SYNRG: variants seen among roughly 807,000 people sequenced by gnomAD.
SYNRG encodes synergin gamma.
In SYNRG, 37 loss-of-function variants were observed where a neutral mutation model predicts 130.9. That is an observed-to-expected ratio of 0.28 (90% CI 0.22 to 0.37). SYNRG has a LOEUF of 0.37. SYNRG is among the 10% of genes least tolerant of loss of function. The pLI, the probability that SYNRG is intolerant of heterozygous loss-of-function variation, is 1.00. For missense variants in SYNRG, 1,338 were observed against 1,588.9 expected (o/e 0.84, Z 2.68); for synonymous variants, 539 against 568.1 (o/e 0.95, Z 0.73).
intron 14 of SYNRG, among the ~76,000 whole-genome samples, chr17:37,552,610 G>A (rs922823015): frequency 3.3e-5 from 5 of 152,136 alleles, no homozygotes; most frequent in East Asian, 1.9e-4. Flanking sequence ...TCTCTTAAAA[G>A]GATGTGGCAA....
intron 13 of SYNRG, among the ~76,000 whole-genome samples, chr17:37,560,737 A>G (rs12953286): frequency 0.5 from 74,353 of 149,782 alleles, 20,546 homozygotes; most frequent in African/African-American, 0.75. Flanking sequence ...GCACAATCTC[A>G]GCTCACTGCA....
intron 4 of SYNRG, 146 bp downstream of exon 4, chr17:37,586,273 C>T: frequency 2.5e-6 from 3 of 1,203,676 alleles, no homozygotes; most frequent in Non-Finnish European, 2.2e-6. Context: ...GGATTATAGG[C>T]ATGAACCACT....
At position 37,561,476 on chromosome 17, in the gene SYNRG, G is replaced by A; in HGVS notation, c.1595C>T (p.Pro532Leu). 2 of 1,612,406 alleles carry A rather than the reference G, an allele frequency of 1.2e-6. No homozygotes were observed. Among genetic ancestry groups the A allele is most frequent in the Non-Finnish European group, 1.7e-6 (2 of 1,178,586 alleles). The change falls in exon 12 of 22, where the codon CCT (proline) becomes CTT (leucine). Residue 532 changes from proline to leucine, a missense_variant. Physicochemically the swap from Pro to Leu is moderately conservative, Grantham distance 98. This residue lies in a region of SYNRG where 1,146 missense variants were observed against 1,342.3 expected (regional missense o/e 0.85). Transcript: ENST00000612223. Reference sequence around the variant, plus strand: ...TGAATTTACCAACTTTTTACCTCCAGGTGGAACAGTATTTTCAGAGGACTT... The same window carrying A: ...TGAATTTACCAACTTTTTACCTCCAAGTGGAACAGTATTTTCAGAGGACTT... ...ADKSSENTVP[P>L]GDPGDKYSAF...
chr17:37,605,456 T>C (rs2063670701), intron 1 of SYNRG, among the ~76,000 whole-genome samples: 1 of 152,182 alleles, frequency 6.6e-6, no homozygotes, highest in African/African-American at 2.4e-5. Flanking sequence ...GGACGTAGAA[T>C]CAAGGCTGCT....
chr17:37,587,967 A>AT (rs1167014851), intron 3 of SYNRG, among the ~76,000 whole-genome samples: 3 of 151,738 alleles, frequency 2.0e-5, no homozygotes, highest in Admixed American at 6.6e-5. Context: ...CTGTTAATTT[A>AT]TTTTTTTTCC....
intron 1 of SYNRG, 100 bp downstream of exon 1, chr17:37,609,179 A>G (rs757919741): frequency 2.6e-5 from 33 of 1,249,872 alleles, no homozygotes; most frequent in Non-Finnish European, 3.4e-5. Context: ...CCCAGTTCCA[A>G]GGAAAAGGAT....
Position 37,577,366 on chromosome 17 carries a change from C to A in SYNRG, c.823+14G>T. ...GGTTAAACAAGTTTTTTGCTGAATG[C>A]TTCACGAGCTCACCACTCTCTTCAA... On this transcript the variant is annotated intron_variant, in intron 7 of 21. Coordinates refer to ENST00000612223, the MANE Select transcript of SYNRG (RefSeq NM_007247.6). 6.2e-7 allele frequency: 1 copy of A among 1,612,072 alleles called. No individual in the cohort carries two copies. The highest frequency in any genetic ancestry group is 8.5e-7 in the Non-Finnish European group (1 of 1,178,398).
intron 6 of SYNRG, among the ~76,000 whole-genome samples, chr17:37,579,598 TAA>T (rs1411167574): frequency 1.3e-5 from 2 of 152,258 alleles, no homozygotes; most frequent in African/African-American, 4.8e-5. Context: ...ATGATGCATG[TAA>T]AACACTTTGA....
In SYNRG at chr17:37,565,413, G is replaced by A. The variant is rs1013964489; in HGVS notation, c.1481+3378C>T. On this transcript the variant is annotated intron_variant, in intron 11 of 21. Transcript: ENST00000612223. ...TCGCTACAACCTCCACCTCCCAGCC[G>A]CCTGCCTTGGCCTCCCAAAGTGCCG... is the stretch of plus-strand genomic sequence containing the variant. Among the ~76,000 whole-genome samples, 162 of 152,228 alleles carry A rather than the reference G, an allele frequency of 1.1e-3. 1 individual carries two copies. The highest frequency in any genetic ancestry group is 3.7e-3 in the African/African-American group (152 of 41,552).
intron 1 of SYNRG, among the ~76,000 whole-genome samples, chr17:37,603,582 C>T (rs2063483966): frequency 6.6e-6 from 1 of 152,182 alleles, no homozygotes; most frequent in Non-Finnish European, 1.5e-5. Context: ...GAACATTAAC[C>T]TTCTCATGCA....
rs1354593018 is a variant in SYNRG, at chr17:37,579,191, A to C, written c.590-1578T>G. 4 of 1,224,408 alleles carry C rather than the reference A, an allele frequency of 3.3e-6. No homozygotes were observed. In the South Asian group the frequency reaches 6.0e-5, roughly 18 times the overall value. The allele number at this position is 1,224,408 out of a possible 1,614,324, so 75.8% of individuals were successfully genotyped here. A position where few individuals can be genotyped will look rare whatever the true frequency, so the allele number is the denominator to read the frequency against. On this transcript the variant is annotated intron_variant, in intron 6 of 21. Transcript: ENST00000612223. Reference sequence around the variant, plus strand: ...AGAGAAGTAAGGAATTTGCCCAGGGACGCCATGTAAGGCAAAAGGCACTGG... The same window carrying C: ...AGAGAAGTAAGGAATTTGCCCAGGGCCGCCATGTAAGGCAAAAGGCACTGG...
chr17:37,606,851 A>G (rs981401086), intron 1 of SYNRG, among the ~76,000 whole-genome samples: 7 of 152,052 alleles, frequency 4.6e-5, no homozygotes, highest in African/African-American at 1.7e-4. Context: ...TAGTTCATGG[A>G]TTTTCTCCAT....
chr17:37,544,689 G>C (rs2058108206), intron 14 of SYNRG, among the ~76,000 whole-genome samples: 1 of 152,136 alleles, frequency 6.6e-6, no homozygotes, highest in Admixed American at 6.5e-5. Context: ...TTGCTGTAGT[G>C]ATTTTTTGTT....
chr17:37,523,351 G>A (rs2055384690), intron 19 of SYNRG, among the ~76,000 whole-genome samples: 1 of 152,130 alleles, frequency 6.6e-6, no homozygotes, highest in Admixed American at 6.5e-5. Flanking sequence ...GTAGAGATGA[G>A]GTCTCGCTAT....
chr17:37,577,889 G>T (rs1050068653), intron 6 of SYNRG, among the ~76,000 whole-genome samples: 2 of 151,038 alleles, frequency 1.3e-5, no homozygotes, highest in African/African-American at 4.9e-5. Context: ...TAGTAGAGAC[G>T]GGGTTTCGCC....
chr17:37,536,104 T>C lies in SYNRG; in HGVS notation c.3541A>G (p.Thr1181Ala). ...LLGVVEVYRVTKRVELGIKAT... is the reference protein window; with the variant it reads ...LLGVVEVYRVAKRVELGIKAT... ...TTTATCCCCAGCTCCACACGCTTGG[T>C]TACCCTGTACACTTCAACAACACCT... The change falls in exon 19 of 22, where the codon ACC becomes GCC. Residue 1181 changes from threonine (T) to alanine (A), a missense_variant. Thr to Ala is a moderately conservative substitution (Grantham distance 58, BLOSUM62 0). Around this residue, in one of 3 missense-constraint regions of SYNRG, gnomAD observed 1,146 missense variants for 1,342.3 expected, o/e 0.85. Transcript: ENST00000612223. The C allele has an allele frequency of 6.2e-7, 1 of 1,613,814 alleles. No homozygotes were observed. The highest frequency in any genetic ancestry group is 1.3e-5 in the African/African-American group (1 of 75,024).
rs2057647177 is a variant in SYNRG, at chr17:37,540,505, T to C, written c.3241A>G (p.Ile1081Val). 1 of 1,614,182 alleles carries C rather than the reference T, an allele frequency of 6.2e-7. No homozygotes were observed. The highest frequency in any genetic ancestry group is 1.3e-5 in the African/African-American group (1 of 75,038). ...GCTGGAGAAGGAGAAGAACGGCTTATTTCTTTATCACCAAGGCTCAAACTC... is the reference window on the plus strand; with the variant it reads ...GCTGGAGAAGGAGAAGAACGGCTTACTTCTTTATCACCAAGGCTCAAACTC... ...KRSLSLGDKE[I>V]SRSSPSPALE... Residue 1081 changes from isoleucine to valine, a missense_variant, in exon 16 of 22, where the codon ATA (isoleucine) becomes GTA (valine). Transcript: ENST00000612223.
chr17:37,522,273 G>A (rs2055189342), intron 19 of SYNRG, among the ~76,000 whole-genome samples: 1 of 151,278 alleles, frequency 6.6e-6, no homozygotes, highest in African/African-American at 2.4e-5. Context: ...GGGCTCAAGA[G>A]ATCCTCAGCC....
In SYNRG at chr17:37,596,292, C is replaced by T. The variant is rs1228362500; in HGVS notation, c.171G>A (p.Gln57=). 1.2e-6 allele frequency: 2 copies of T among 1,614,166 alleles called. No individual in the cohort carries two copies. Among genetic ancestry groups the T allele is most frequent in the Admixed American group, 3.3e-5 (2 of 60,024 alleles). The change falls in exon 3 of 22, where the codon CAG becomes CAA. Residue 57 remains glutamine, a synonymous_variant. Coordinates refer to ENST00000612223, the MANE Select transcript of SYNRG (RefSeq NM_007247.6). ...QQGFPMVSVM[Q]PNMQGIMGMN... is the part of the protein sequence containing the mutation. ...TTCCCATAATGCCTTGCATATTAGG[C>T]TGCATGACAGAGACCATAGGAAATC... is the stretch of plus-strand genomic sequence containing the variant.
Sources: gnomAD v4.1 joint callset for allele counts (sites outside exome capture counted in the v4.1 genomes callset) on GRCh38, gnomAD v4.1.1 for gene constraint, gnomAD v4.1.1 regional missense constraint, MANE v1.5 for transcripts, NCBI Gene and HGNC (gene_info 2026-07-23, HGNC 2026-07-21) for gene names.